VOPP1: variants seen among roughly 807,000 people sequenced by gnomAD.
VOPP1 encodes the protein WW domain binding protein VOPP1.
VOPP1 carries 8 observed loss-of-function variants against 23.5 expected under a neutral mutation model. The ratio of observed to expected loss-of-function variants is 0.34; its 90% confidence interval spans 0.20 to 0.61. The LOEUF (loss-of-function observed/expected upper bound fraction) is 0.61. Among genes scored for constraint, VOPP1 ranks in the 20% least tolerant of loss-of-function variants. The probability of loss-of-function intolerance (pLI) is 0.78; values close to 1 mark genes in which losing one functional copy is unlikely to be tolerated. For missense variants in VOPP1, 174 were observed against 238.1 expected (o/e 0.73, Z 1.77); for synonymous variants, 83 against 97.3 (o/e 0.85, Z 0.86).
At chr7:55,548,417 G>A (rs142144962) in intron 1 of VOPP1, among the ~76,000 whole-genome samples, 1,682 of 152,304 alleles carry the variant, frequency 0.011, 11 homozygotes, top group Middle Eastern at 0.02. Flanking sequence ...CTGCCCCTCC[G>A]GACTCGGGGA....
At chr7:55,437,264 G>T (rs747404796) in intron 4 of VOPP1, among the ~76,000 whole-genome samples, 3 of 152,186 alleles carry the variant, frequency 2.0e-5, no homozygotes, top group Non-Finnish European at 4.4e-5. Context: ...AGGCCGCCTC[G>T]TAGCTGTAAG....
Position 55,471,709 on chromosome 7 carries a change from A to C in VOPP1, c.*1146T>G, listed in dbSNP as rs1791832530. ...TATCCAGGAATGTGCATTTCCGACC[A>C]CTTCTTCTTTATTCTAATTATGACA... On this transcript the variant is annotated 3_prime_UTR_variant, in exon 5 of 5. Transcript: ENST00000285279. 1 of 151,792 alleles carries C rather than the reference A, an allele frequency of 6.6e-6. No individual in the cohort carries two copies. The highest frequency in any genetic ancestry group is 2.4e-5 in the African/African-American group (1 of 41,226). 9.4% of individuals were successfully genotyped at this position (151,792 alleles called of 1,614,324 possible).
At chr7:55,446,504 A>T (rs1177119708) in intron 4 of VOPP1, among the ~76,000 whole-genome samples, 1 of 152,162 alleles carries the variant, frequency 6.6e-6, no homozygotes, top group African/African-American at 2.4e-5. Context: ...ATGGAAAAAA[A>T]TTTCTAGGGA....
intron 1 of VOPP1, among the ~76,000 whole-genome samples, chr7:55,566,999 A>G (rs1243609815): frequency 1.3e-5 from 2 of 152,200 alleles, no homozygotes; most frequent in Non-Finnish European, 2.9e-5. Context: ...ATTTCCCCTC[A>G]ATATTACAGA....
intron 1 of VOPP1, among the ~76,000 whole-genome samples, chr7:55,536,746 C>T (rs1796817389): frequency 6.6e-6 from 1 of 152,186 alleles, no homozygotes; most frequent in Non-Finnish European, 1.5e-5. Context: ...AGCACTGGCC[C>T]AGGCACGGAG....
At chr7:55,561,583 C>A (rs1376495614) in intron 1 of VOPP1, among the ~76,000 whole-genome samples, 1 of 151,602 alleles carries the variant, frequency 6.6e-6, no homozygotes, top group Non-Finnish European at 1.5e-5. Flanking sequence ...CTGGTGGGCA[C>A]CTTATGTCCA....
At chr7:55,538,152 C>T (rs1300654992) in intron 1 of VOPP1, among the ~76,000 whole-genome samples, 1 of 152,216 alleles carries the variant, frequency 6.6e-6, no homozygotes, top group Non-Finnish European at 1.5e-5. Flanking sequence ...CTCTAGAGAC[C>T]GCTCTCATTG....
At chr7:55,436,953 C>T (rs545250647) in intron 4 of VOPP1, among the ~76,000 whole-genome samples, 3 of 152,252 alleles carry the variant, frequency 2.0e-5, no homozygotes, top group South Asian at 4.1e-4. Context: ...CCAGCAGATA[C>T]GCTGCTGCTC....
At chr7:55,501,747 G>A (rs1385695334) in intron 2 of VOPP1, among the ~76,000 whole-genome samples, 2 of 152,142 alleles carry the variant, frequency 1.3e-5, no homozygotes, top group Non-Finnish European at 2.9e-5. Context: ...TGGTGAGGGA[G>A]GGGAATAAGG....
At chr7:55,462,474 T>C (rs1328657768) in intron 4 of VOPP1, among the ~76,000 whole-genome samples, 2 of 152,186 alleles carry the variant, frequency 1.3e-5, no homozygotes, top group Non-Finnish European at 2.9e-5. Context: ...CTTTTTCTTC[T>C]ATAACACCCA....
intron 1 of VOPP1, chr7:55,538,561 T>C (rs1796944625): frequency 1.1e-5 from 17 of 1,506,146 alleles, no homozygotes; most frequent in Non-Finnish European, 1.3e-5. Context: ...AGGATCACTG[T>C]AAACTGCTTT....
At chr7:55,451,563 G>C (rs894319589) in intron 4 of VOPP1, among the ~76,000 whole-genome samples, 4 of 152,146 alleles carry the variant, frequency 2.6e-5, no homozygotes, top group African/African-American at 9.7e-5. Context: ...AGGCAGAGGC[G>C]GGCGGATCAC....
chr7:55,527,606 T>C (rs533943103), intron 1 of VOPP1, among the ~76,000 whole-genome samples: 2 of 152,330 alleles, frequency 1.3e-5, no homozygotes, highest in South Asian at 2.1e-4. Context: ...GACCTCCTCA[T>C]GGACCCTCAT....
At chr7:55,570,802 C>T (rs1289143812) in intron 1 of VOPP1, among the ~76,000 whole-genome samples, 2 of 151,988 alleles carry the variant, frequency 1.3e-5, no homozygotes, top group Non-Finnish European at 2.9e-5. Flanking sequence ...ATTAGCCGGG[C>T]ATAGTGGTGG....
Position 55,537,621 on chromosome 7 carries a change from G to A in VOPP1, c.55-16491C>T, listed in dbSNP as rs951480354. ...TGGGTCACACGCAGCCCTCCAATAC[G>A]GAGCACACATAAATAAAGCTCTGGC... On this transcript the variant is annotated intron_variant, in intron 1 of 4. Coordinates refer to ENST00000285279, the MANE Select transcript of VOPP1 (RefSeq NM_030796.5). The A allele has an allele frequency of 2.7e-5, 41 of 1,533,090 alleles. 1 individual carries two copies. The highest frequency in any genetic ancestry group is 1.7e-4 in the South Asian group (14 of 83,876). 95.0% of individuals were successfully genotyped at this position (1,533,090 alleles called of 1,614,324 possible). A position where few individuals can be genotyped will look rare whatever the true frequency, so the allele number is the denominator to read the frequency against.
intron 1 of VOPP1, among the ~76,000 whole-genome samples, chr7:55,564,267 C>CTCTCTCTCTCTCTT (rs71031867): frequency 9.1e-6 from 1 of 109,480 alleles, no homozygotes. Flanking sequence ...CTCTCTCTCT[C>CTCTCTCTCTCTCTT]GCTCGCTTGC....
chr7:55,488,689 C>T (rs542179871), intron 4 of VOPP1, among the ~76,000 whole-genome samples: 123 of 152,178 alleles, frequency 8.1e-4, no homozygotes, highest in Non-Finnish European at 1.5e-3. Context: ...CCCCCCCTGC[C>T]CCAGTGGGTG....
rs183489292 is a variant in VOPP1, at chr7:55,556,978, C to A, written c.54+15293G>T. Among the ~76,000 whole-genome samples the A allele has an allele frequency of 3.2e-3, 493 of 152,288 alleles. 6 individuals are homozygous for A. Among genetic ancestry groups the A allele is most frequent in the African/African-American group, 0.012 (478 of 41,552 alleles). On this transcript the variant is annotated intron_variant, in intron 1 of 4. Transcript: ENST00000285279. ...CAAATTGCTATAACATACACACCAA[C>A]CTTGTATGAATAATGTTGTAATCCT...
chr7:55,463,274 A>G (rs1233083265), intron 4 of VOPP1, among the ~76,000 whole-genome samples: 1 of 152,080 alleles, frequency 6.6e-6, no homozygotes, highest in Non-Finnish European at 1.5e-5. Context: ...CATTTCATGT[A>G]TTGCTTTTTC....
Sources: allele counts gnomAD v4.1 joint callset (sites outside exome capture counted in the v4.1 genomes callset), GRCh38; gene constraint gnomAD v4.1.1; transcripts MANE v1.5; gene names NCBI Gene and HGNC (gene_info 2026-07-23, HGNC 2026-07-21).